The following KCND2 variants were observed in gnomAD, a reference collection of about 807,000 sequenced individuals.
KCND2 encodes the protein A-type voltage-gated potassium channel KCND2.
A neutral mutation model predicts 54.4 loss-of-function variants in KCND2; 16 were observed. The observed-to-expected ratio is 0.29, with a 90% CI of 0.20 to 0.45. The LOEUF (loss-of-function observed/expected upper bound fraction) is 0.45, where lower values mean the gene tolerates loss of function less well. Among genes scored for constraint, KCND2 ranks in the 20% least tolerant of loss-of-function variants. The pLI is 1.00. For missense variants in KCND2, 486 were observed against 824.2 expected (o/e 0.59, Z 5.02); for synonymous variants, 317 against 310.7 (o/e 1.02, Z -0.21).
At chr7:120,466,790 C>T (rs769650795) in intron 1 of KCND2, among the ~76,000 whole-genome samples, 2 of 152,112 alleles carry the variant, frequency 1.3e-5, no homozygotes, top group African/African-American at 2.4e-5. Flanking sequence ...GAGTCTTATG[C>T]GTCTAAAACC....
intron 1 of KCND2, among the ~76,000 whole-genome samples, chr7:120,518,032 A>G (rs999384512): frequency 6.6e-6 from 1 of 152,216 alleles, no homozygotes; most frequent in Admixed American, 6.5e-5. Context: ...TCATGGCCCA[A>G]GATTATACAG....
At chr7:120,653,854 T>C (rs1791769177) in intron 1 of KCND2, among the ~76,000 whole-genome samples, 1 of 152,164 alleles carries the variant, frequency 6.6e-6, no homozygotes, top group African/African-American at 2.4e-5. Context: ...TGAGAAGAAA[T>C]ACAATGTAGA....
chr7:120,611,497 C>A (rs930797680), intron 1 of KCND2, among the ~76,000 whole-genome samples: 2 of 151,894 alleles, frequency 1.3e-5, no homozygotes, highest in Non-Finnish European at 2.9e-5. Context: ...GTGGTTTTTG[C>A]GATTTTTATT....
intron 4 of KCND2, among the ~76,000 whole-genome samples, chr7:120,743,677 G>A (rs2116182961): frequency 6.6e-6 from 1 of 152,220 alleles, no homozygotes. Context: ...GCTAACAGGT[G>A]ATACAAGTAC....
chr7:120,462,789 A>G (rs1348719536), intron 1 of KCND2, among the ~76,000 whole-genome samples: 2 of 151,944 alleles, frequency 1.3e-5, no homozygotes, highest in Admixed American at 1.3e-4. Context: ...TAAGAGATGA[A>G]AAAATAAACT....
intron 1 of KCND2, among the ~76,000 whole-genome samples, chr7:120,413,676 A>G (rs902167398): frequency 2.0e-5 from 3 of 152,060 alleles, no homozygotes; most frequent in African/African-American, 4.8e-5. Context: ...GCATTGTACT[A>G]CAGTTTATAA....
At chr7:120,582,253 T>C (rs1361335865) in intron 1 of KCND2, among the ~76,000 whole-genome samples, 1 of 151,958 alleles carries the variant, frequency 6.6e-6, no homozygotes, top group African/African-American at 2.4e-5. Context: ...TCCATTGTGA[T>C]TTTTTTTAAA....
chr7:120,387,582 A>G (rs1563029535), intron 1 of KCND2, among the ~76,000 whole-genome samples: 1 of 152,084 alleles, frequency 6.6e-6, no homozygotes, highest in Non-Finnish European at 1.5e-5. Flanking sequence ...AGAAAGCAGC[A>G]TGAAATCCAA....
chr7:120,541,013 C>T (rs543180912), intron 1 of KCND2, among the ~76,000 whole-genome samples: 3 of 152,154 alleles, frequency 2.0e-5, no homozygotes, highest in South Asian at 2.1e-4. Flanking sequence ...GATATGAAAA[C>T]GTAGAACAAT....
intron 1 of KCND2, among the ~76,000 whole-genome samples, chr7:120,638,734 A>C (rs1295290352): frequency 6.6e-6 from 1 of 152,148 alleles, no homozygotes; most frequent in Non-Finnish European, 1.5e-5. Flanking sequence ...TTCAAGATGG[A>C]AAGTCCTCTC....
At position 120,511,024 on chromosome 7, in the gene KCND2, T is replaced by TCTCACACA. The variant is rs36008574; in HGVS notation, c.1116-221878_1116-221877insTCACACAC. On this transcript the variant is annotated intron_variant, in intron 1 of 5. Transcript: ENST00000331113. Reference sequence around the variant, plus strand: ...CCCCATCTCTCTCTCTCTCTCTCTCTCACACACACACACACACACACACAC... The same window carrying TCTCACACA: ...CCCCATCTCTCTCTCTCTCTCTCTCTCTCACACACACACACACACACACACACACACAC... 7.0e-3 allele frequency among the ~76,000 whole-genome samples: 1,015 copies of TCTCACACA among 145,046 alleles called. 13 individuals carry two copies. The highest frequency in any genetic ancestry group is 0.025 in the African/African-American group (971 of 38,930).
intron 1 of KCND2, among the ~76,000 whole-genome samples, chr7:120,613,187 GT>G (rs1165723585): frequency 8.6e-5 from 13 of 151,806 alleles, no homozygotes; most frequent in African/African-American, 2.9e-4. Flanking sequence ...CAAAAGATCG[GT>G]TTTCGTAACT....
chr7:120,714,266 G>A (rs1390505086), intron 1 of KCND2, among the ~76,000 whole-genome samples: 1 of 151,876 alleles, frequency 6.6e-6, no homozygotes, highest in African/African-American at 2.4e-5. Context: ...TAATTTCCCA[G>A]CTAAAGTTGG....
intron 1 of KCND2, among the ~76,000 whole-genome samples, chr7:120,581,347 G>A (rs892819213): frequency 1.4e-4 from 22 of 152,294 alleles, no homozygotes; most frequent in Non-Finnish European, 2.9e-4. Flanking sequence ...ATCATAGGAC[G>A]TTCTTAGCAG....
chr7:120,466,808 A>G (rs763956525), intron 1 of KCND2, among the ~76,000 whole-genome samples: 1 of 152,130 alleles, frequency 6.6e-6, no homozygotes, highest in Non-Finnish European at 1.5e-5. Flanking sequence ...ACCAAGGTAC[A>G]CAGGAGTCCT....
chr7:120,320,106 G>A (rs1201722253), intron 1 of KCND2, among the ~76,000 whole-genome samples: 1 of 152,036 alleles, frequency 6.6e-6, no homozygotes, highest in East Asian at 1.9e-4. Context: ...GGTACCACTT[G>A]TACAATAACA....
At chr7:120,553,305 C>T (rs1584825145) in intron 1 of KCND2, among the ~76,000 whole-genome samples, 1 of 152,272 alleles carries the variant, frequency 6.6e-6, no homozygotes, top group Admixed American at 6.5e-5. Flanking sequence ...CTAGGTTCAT[C>T]TATGTTGTTT....
intron 1 of KCND2, among the ~76,000 whole-genome samples, chr7:120,700,658 C>A (rs1442528988): frequency 1.3e-5 from 2 of 152,086 alleles, no homozygotes. Flanking sequence ...AATTGCTGGG[C>A]AAGGTCCTTC....
chr7:120,365,275 T>C (rs1308785375), intron 1 of KCND2, among the ~76,000 whole-genome samples: 3 of 151,784 alleles, frequency 2.0e-5, no homozygotes, highest in Non-Finnish European at 4.4e-5. Flanking sequence ...GGGATACTAA[T>C]TGATGAAGCC....
Sources: allele counts gnomAD v4.1 joint callset (sites outside exome capture counted in the v4.1 genomes callset), GRCh38; gene constraint gnomAD v4.1.1; transcripts MANE v1.5; gene names NCBI Gene and HGNC (gene_info 2026-07-23, HGNC 2026-07-21).